The following GNAQ variants were observed in gnomAD, a reference collection of about 807,000 sequenced individuals.
GNAQ encodes the protein guanine nucleotide-binding protein G(q) subunit alpha.
A neutral mutation model predicts 43.9 loss-of-function variants in GNAQ; 8 were observed. The observed-to-expected ratio is 0.18, with a 90% CI of 0.11 to 0.33. GNAQ has a LOEUF of 0.33. Ranked by LOEUF, GNAQ falls within the 10% of genes least tolerant of loss-of-function variation. GNAQ has a pLI of 1.00. For synonymous variants in GNAQ, 155 were observed against 170.7 expected, an observed-to-expected ratio of 0.91 and a Z score of 0.71; for missense variants, 158 against 450.8, an observed-to-expected ratio of 0.35 and a Z score of 5.88.
chr9:77,830,476 A>G (rs181551245), intron 2 of GNAQ, among the ~76,000 whole-genome samples: 96 of 152,290 alleles, frequency 6.3e-4, no homozygotes, highest in African/African-American at 2.2e-3. Flanking sequence ...CAGGAGTTCT[A>G]AGGAGTCGTT....
At chr9:77,853,416 ATAT>A (rs1224066997) in intron 2 of GNAQ, among the ~76,000 whole-genome samples, 1 of 152,214 alleles carries the variant, frequency 6.6e-6, no homozygotes, top group Non-Finnish European at 1.5e-5. Context: ...ACCTTGTGAC[ATAT>A]TATTATTATT....
chr9:77,926,501 A>G (rs1829074557), intron 1 of GNAQ, among the ~76,000 whole-genome samples: 2 of 152,350 alleles, frequency 1.3e-5, no homozygotes, highest in South Asian at 4.1e-4. Flanking sequence ...GAAAAGCACA[A>G]ATAACTCTGA....
intron 1 of GNAQ, among the ~76,000 whole-genome samples, chr9:78,000,753 A>G (rs916381651): frequency 1.3e-5 from 2 of 152,228 alleles, no homozygotes; most frequent in Non-Finnish European, 2.9e-5. Context: ...TAAACAGGAT[A>G]CTAGCAAGTT....
intron 2 of GNAQ, among the ~76,000 whole-genome samples, chr9:77,819,046 G>C (rs1827068663): frequency 7.6e-6 from 1 of 131,068 alleles, no homozygotes; most frequent in Admixed American, 7.6e-5. Flanking sequence ...AAAATACCTA[G>C]TATGATTTAA....
intron 1 of GNAQ, among the ~76,000 whole-genome samples, chr9:77,990,672 T>C (rs1823497075): frequency 6.6e-6 from 1 of 152,268 alleles, no homozygotes; most frequent in African/African-American, 2.4e-5. Flanking sequence ...AGCACACATG[T>C]ATGTGAATCT....
intron 1 of GNAQ, among the ~76,000 whole-genome samples, chr9:77,946,414 T>C (rs1388842629): frequency 1.3e-5 from 2 of 152,310 alleles, no homozygotes; most frequent in African/African-American, 4.8e-5. Context: ...ATAAATACTA[T>C]GTTTTCTTCC....
intron 2 of GNAQ, among the ~76,000 whole-genome samples, chr9:77,908,282 CA>C (rs1235051278): frequency 2.0e-5 from 3 of 152,176 alleles, no homozygotes; most frequent in Non-Finnish European, 4.4e-5. Context: ...TGAACCCCTT[CA>C]GAAGGGCCCC....
chr9:77,836,069 T>G (rs2118564461), intron 2 of GNAQ, among the ~76,000 whole-genome samples: 1 of 152,252 alleles, frequency 6.6e-6, no homozygotes, highest in African/African-American at 2.4e-5. Context: ...TGCACTAAAC[T>G]TATGGCCAAA....
At chr9:78,015,974 T>A (rs1823833191) in intron 1 of GNAQ, among the ~76,000 whole-genome samples, 1 of 151,392 alleles carries the variant, frequency 6.6e-6, no homozygotes, top group Non-Finnish European at 1.5e-5. Context: ...ATAAGAAAAA[T>A]TAACAAGAAT....
intron 1 of GNAQ, among the ~76,000 whole-genome samples, chr9:77,958,545 T>C (rs1393878882): frequency 2.6e-5 from 4 of 152,264 alleles, no homozygotes; most frequent in African/African-American, 7.2e-5. Context: ...AATGTAAGAA[T>C]TGTTATACAT....
chr9:77,951,408 T>C (rs982166436), intron 1 of GNAQ, among the ~76,000 whole-genome samples: 16 of 152,190 alleles, frequency 1.1e-4, no homozygotes, highest in Non-Finnish European at 2.4e-4. Context: ...CATTCACTTA[T>C]TTTAATAAAT....
At chr9:77,902,860 G>A (rs769488979) in intron 2 of GNAQ, among the ~76,000 whole-genome samples, 1 of 152,162 alleles carries the variant, frequency 6.6e-6, no homozygotes, top group Non-Finnish European at 1.5e-5. Flanking sequence ...AACTGAGTTA[G>A]CCTATTTCAC....
chr9:78,029,020 T>C (rs544214302), intron 1 of GNAQ, among the ~76,000 whole-genome samples: 48 of 152,276 alleles, frequency 3.2e-4, no homozygotes, highest in African/African-American at 1.1e-3. Flanking sequence ...AGCAGTAAAA[T>C]TGGTTTACAC....
intron 5 of GNAQ, among the ~76,000 whole-genome samples, chr9:77,777,658 A>C (rs1228084501): frequency 3.9e-5 from 6 of 152,086 alleles, no homozygotes; most frequent in Admixed American, 3.9e-4. Context: ...AAGTCTATTA[A>C]AAATAGGCAG....
chr9:77,883,648 C>CCA (rs1439289701), intron 2 of GNAQ, among the ~76,000 whole-genome samples: 3 of 151,874 alleles, frequency 2.0e-5, no homozygotes, highest in African/African-American at 7.2e-5. Context: ...CCCCCGCCCC[C>CCA]ACTCTCCTCG....
intron 1 of GNAQ, among the ~76,000 whole-genome samples, chr9:77,955,056 G>A (rs1823025918): frequency 6.6e-6 from 1 of 152,214 alleles, no homozygotes; most frequent in African/African-American, 2.4e-5. Context: ...ATACACGTAT[G>A]ACACAGTTTA....
chr9:77,933,845 C>T (rs949215423), intron 1 of GNAQ, among the ~76,000 whole-genome samples: 2 of 152,098 alleles, frequency 1.3e-5, no homozygotes, highest in South Asian at 2.1e-4. Flanking sequence ...ACGTGACACA[C>T]GCAATCCAGA....
At position 77,802,782 on chromosome 9, in the gene GNAQ, A is replaced by G. The variant is rs569272405; in HGVS notation, c.477-5134T>C. Among the ~76,000 whole-genome samples the G allele has an allele frequency of 7.9e-5, 12 of 152,286 alleles. No individual in the cohort carries two copies. The South Asian group carries it at 2.5e-3, about 32-fold the overall frequency. ...GAGAGGAAGCTCCCATGTTTTACATAAGGCTTGTTAAGTGTCTAGGAGACA... is the reference window on the plus strand; with the variant it reads ...GAGAGGAAGCTCCCATGTTTTACATGAGGCTTGTTAAGTGTCTAGGAGACA... On this transcript the variant is annotated intron_variant, in intron 3 of 6. Coordinates refer to ENST00000286548, the MANE Select transcript of GNAQ (RefSeq NM_002072.5).
chr9:77,763,141 C>CAAACAAAA (rs1462515368), intron 5 of GNAQ, among the ~76,000 whole-genome samples: 674 of 64,792 alleles, frequency 0.01, 8 homozygotes, highest in African/African-American at 0.022. Flanking sequence ...AACAAACAAA[C>CAAACAAAA]AAAAAAAAAA....
Sources: allele counts gnomAD v4.1 joint callset (sites outside exome capture counted in the v4.1 genomes callset), GRCh38; gene constraint gnomAD v4.1.1; transcripts MANE v1.5; gene names NCBI Gene and HGNC (gene_info 2026-07-23, HGNC 2026-07-21).